Variants in KDR observed in about 807,000 individuals in gnomAD.
KDR encodes the protein kinase insert domain receptor, also known as vascular endothelial growth factor receptor 2.
KDR carries 43 observed loss-of-function variants against 160.9 expected under a neutral mutation model. The observed-to-expected ratio is 0.27, with a 90% CI of 0.21 to 0.34. The LOEUF is 0.34. KDR is among the 10% of genes least tolerant of loss of function. The probability of loss-of-function intolerance (pLI) is 1.00; values close to 1 mark genes in which losing one functional copy is unlikely to be tolerated. For missense variants in KDR, 1,469 were observed against 1,666.4 expected, an observed-to-expected ratio of 0.88 and a Z score of 2.06; for synonymous variants, 617 against 600.1, an observed-to-expected ratio of 1.03 and a Z score of -0.41.
In KDR at chr4:55,095,634, T is replaced by A; in HGVS notation, c.2760A>T (p.Lys920Asn). Reference sequence around the variant, plus strand: ...TCAGGTAAGTGGACAGGTTTCCAAATTTGCAGAATTCCACAATCACCATGA... The same window carrying A: ...TCAGGTAAGTGGACAGGTTTCCAAAATTGCAGAATTCCACAATCACCATGA... ...GPLMVIVEFC[K>N]FGNLSTYLRS... The change falls in exon 20 of 30, where the codon AAA (lysine) becomes AAT (asparagine). Residue 920 changes from lysine to asparagine, a missense_variant. Physicochemically the swap from Lys to Asn is moderately conservative, Grantham distance 94. Coordinates refer to ENST00000263923, the MANE Select transcript of KDR (RefSeq NM_002253.4). The A allele has an allele frequency of 6.2e-7, 1 of 1,613,790 alleles. No homozygotes were observed. Among genetic ancestry groups the A allele is most frequent in the South Asian group, 1.1e-5 (1 of 91,084 alleles).
At chr4:55,123,461 A>G (rs1367943300) in intron 1 of KDR, among the ~76,000 whole-genome samples, 1 of 152,368 alleles carries the variant, frequency 6.6e-6, no homozygotes, top group East Asian at 1.9e-4. Flanking sequence ...TGTAACAAAT[A>G]TTTTAAAAAA....
intron 27 of KDR, among the ~76,000 whole-genome samples, chr4:55,083,714 G>A (rs554960363): frequency 6.6e-6 from 1 of 151,844 alleles, no homozygotes; most frequent in South Asian, 2.1e-4. Flanking sequence ...ACTACAAGCA[G>A]ACTTCTGGAA....
At chr4:55,082,938 T>C (rs1332618751) in intron 27 of KDR, among the ~76,000 whole-genome samples, 1 of 152,202 alleles carries the variant, frequency 6.6e-6, no homozygotes, top group Non-Finnish European at 1.5e-5. Flanking sequence ...AACTGCCTTC[T>C]ACTTGGCTTC....
rs777384738 is a variant in KDR at position 55,104,932 on chromosome 4, G to T, written c.1698C>A (p.Ser566Arg). The stretch of plus-strand genomic sequence containing the variant: ...TGTCTGCAGTGCACCACAAAGACAC[G>T]CTCTCCTGCTCAGTGGGCTGCATGT... The part of the protein sequence containing the change: ...QPDMQPTEQE[S>R]VSLWCTADRS... Residue 566 changes from serine (S) to arginine (R), a missense_variant, in exon 13 of 30, where the codon AGC becomes AGA. Ser to Arg is a moderately radical substitution (Grantham distance 110). Around this residue, in one of 7 missense-constraint regions of KDR, gnomAD observed 792 missense variants for 840.9 expected, o/e 0.94. Coordinates refer to ENST00000263923, the MANE Select transcript of KDR (RefSeq NM_002253.4). The T allele has an allele frequency of 1.9e-6, 3 of 1,613,808 alleles. No homozygotes were observed. The highest frequency in any genetic ancestry group is 1.7e-4 in the Middle Eastern group (1 of 6,060).
chr4:55,096,632 CTCT>C (rs1399528147), intron 18 of KDR: 9 of 436,192 alleles, frequency 2.1e-5, no homozygotes, highest in East Asian at 4.5e-5. Context: ...TGCCCAGATT[CTCT>C]TCTTCTGCAA....
In KDR at chr4:55,121,547, T is replaced by C. The variant is rs113685069; in HGVS notation, c.68-357A>G. ...CCCTTGGGAAAGGACCCACTGACAT[T>C]TCTTATAGAACATAGGATGTACACA... is the stretch of plus-strand genomic sequence containing the variant. On this transcript the variant is annotated intron_variant, in intron 1 of 29. Transcript: ENST00000263923. Among the ~76,000 whole-genome samples, 1,453 of 152,316 alleles carry C rather than the reference T, an allele frequency of 9.5e-3. 12 individuals carry two copies. Among genetic ancestry groups the C allele is most frequent in the South Asian group, 0.04 (191 of 4,826 alleles).
At chr4:55,093,150 G>T (rs1720060535) in intron 21 of KDR, among the ~76,000 whole-genome samples, 19 of 152,196 alleles carry the variant, frequency 1.2e-4, no homozygotes, top group Admixed American at 1.2e-3. Context: ...CTGGGACAAA[G>T]GCCAAAAGTC....
At chr4:55,092,037 T>C (rs1401280310) in intron 22 of KDR, among the ~76,000 whole-genome samples, 2 of 152,188 alleles carry the variant, frequency 1.3e-5, no homozygotes, top group African/African-American at 4.8e-5. Context: ...GAATGTAAAA[T>C]AAATTAAAAA....
Position 55,110,782 on chromosome 4 carries a change from A to AC in KDR, c.977-15_977-14insG. 1 of 1,517,530 alleles carries AC rather than the reference A, an allele frequency of 6.6e-7. No homozygotes were observed. The highest frequency in any genetic ancestry group is 9.0e-7 in the Non-Finnish European group (1 of 1,105,548). The allele number at this position is 1,517,530 out of a possible 1,614,324, so 94.0% of individuals were successfully genotyped here. On this transcript the variant is annotated splice_polypyrimidine_tract_variant and intron_variant, in intron 7 of 29. Transcript: ENST00000263923. Reference sequence around the variant, plus strand: ...CAAAAGGTTTTTCTGGAAGAAAATAAAAAAAAAAAAAGGTCAACTTACTGT... The same window carrying AC: ...CAAAAGGTTTTTCTGGAAGAAAATAACAAAAAAAAAAAGGTCAACTTACTGT...
At chr4:55,095,070 A>G in intron 20 of KDR, 115 bp from the exon 21 acceptor site, 1 of 996,300 alleles carries the variant, frequency 1.0e-6, no homozygotes, top group African/African-American at 1.6e-5. Flanking sequence ...TAAAAAGCAG[A>G]CAAGGAGGAC....
chr4:55,098,198 A>G lies in KDR; in HGVS notation c.2448T>C (p.His816=), dbSNP rs369501886. ...MDPDELPLDE[H]CERLPYDASK... ...TGGCATCATAAGGCAGTCGTTCACAATGTTCATCCAATGGGAGTTCATCTG... is the reference window on the plus strand; with the variant it reads ...TGGCATCATAAGGCAGTCGTTCACAGTGTTCATCCAATGGGAGTTCATCTG... The change falls in exon 17 of 30, where the codon CAT becomes CAC. Residue 816 remains histidine, a synonymous_variant. Coordinates refer to ENST00000263923, the MANE Select transcript of KDR (RefSeq NM_002253.4). The G allele has an allele frequency of 5.0e-6, 8 of 1,613,924 alleles. No homozygotes were observed. The highest frequency in any genetic ancestry group is 6.8e-6 in the Non-Finnish European group (8 of 1,179,860).
intron 20 of KDR, 41 bp downstream of exon 20, chr4:55,095,536 A>G (rs911354695): frequency 6.9e-7 from 1 of 1,447,482 alleles, no homozygotes; most frequent in Non-Finnish European, 9.7e-7. Flanking sequence ...GTTTCCCTTC[A>G]TTTTATAACA....
At chr4:55,085,498 C>T (rs111401035) in intron 27 of KDR, among the ~76,000 whole-genome samples, 32 of 152,148 alleles carry the variant, frequency 2.1e-4, no homozygotes, top group African/African-American at 6.5e-4. Context: ...CTGAGAAGTA[C>T]CCCAGCCTCA....
intron 3 of KDR, among the ~76,000 whole-genome samples, chr4:55,118,136 A>G (rs1720778967): frequency 6.6e-6 from 1 of 152,208 alleles, no homozygotes; most frequent in South Asian, 2.1e-4. Flanking sequence ...AATACTAGTA[A>G]GAAAAAAAGG....
intron 13 of KDR, among the ~76,000 whole-genome samples, chr4:55,102,716 T>C (rs1720345958): frequency 1.3e-5 from 2 of 152,322 alleles, no homozygotes; most frequent in South Asian, 4.1e-4. Flanking sequence ...TTAACATTCA[T>C]ATTAGTGATA....
rs1062832 is a variant in KDR at position 55,098,756 on chromosome 4, C to T, written c.2314G>A (p.Ala772Thr). The change falls in exon 16 of 30, where the codon GCG becomes ACG. Residue 772 changes from alanine to threonine, a missense_variant. Around this residue, in one of 7 missense-constraint regions of KDR, gnomAD observed 118 missense variants for 110.8 expected, o/e 1.06. Coordinates refer to ENST00000263923, the MANE Select transcript of KDR (RefSeq NM_002253.4). ...NLEIIILVGT[A>T]VIAMFFWLLL... ...AGCCAGAAGAACATGGCAATCACCG[C>T]CGTGCCTACTAGAATAATGATTTCC... 4 of 1,613,272 alleles carry T rather than the reference C, an allele frequency of 2.5e-6. No homozygotes were observed. The African/African-American group carries it at 4.0e-5, about 16-fold the overall frequency.
intron 20 of KDR, 76 bp downstream of exon 20, chr4:55,095,501 A>G (rs1720128480): frequency 2.7e-6 from 3 of 1,123,704 alleles, no homozygotes; most frequent in Non-Finnish European, 4.1e-6. Context: ...AATTTCAACT[A>G]AAAAACTAAC....
At chr4:55,110,298 G>A (rs1720544680) in intron 9 of KDR, 105 bp downstream of exon 9, 1 of 1,195,068 alleles carries the variant, frequency 8.4e-7, no homozygotes, top group African/African-American at 1.5e-5. Context: ...GCCCAGCCAT[G>A]ATATGAGTGA....
At position 55,125,414 on chromosome 4, in the gene KDR, A is replaced by C. The variant is rs567997361; in HGVS notation, c.-121T>G. 61 of 1,294,944 alleles carry C rather than the reference A, an allele frequency of 4.7e-5. No individual in the cohort carries two copies. The South Asian group carries it at 7.6e-4, about 16-fold the overall frequency. 80.2% of individuals were successfully genotyped at this position (1,294,944 alleles called of 1,614,324 possible). On this transcript the variant is annotated 5_prime_UTR_variant, in exon 1 of 30. Transcript: ENST00000263923. The stretch of plus-strand genomic sequence containing the variant: ...GGCACCCCGCAGCGCAGGACAGTTG[A>C]GCGCACAGGGCTAGGGAGCCCGGGC...
Sources: gnomAD v4.1 joint callset for allele counts (sites outside exome capture counted in the v4.1 genomes callset) on GRCh38, gnomAD v4.1.1 for gene constraint, gnomAD v4.1.1 regional missense constraint, MANE v1.5 for transcripts, NCBI Gene and HGNC (gene_info 2026-07-23, HGNC 2026-07-21) for gene names.